SYT14: variants seen among roughly 807,000 people sequenced by gnomAD.
The protein encoded by SYT14 is synaptotagmin-14.
In SYT14, 32 loss-of-function variants were observed where a neutral mutation model predicts 74.2. That is an observed-to-expected ratio of 0.43 (90% confidence interval 0.33 to 0.58). The LOEUF is 0.58. Among genes scored for constraint, SYT14 ranks in the 20% least tolerant of loss-of-function variants. The pLI is 0.05. For synonymous variants in SYT14, 298 were observed against 337.7 expected, an observed-to-expected ratio of 0.88 and a Z score of 1.29; for missense variants, 791 against 981.8, an observed-to-expected ratio of 0.81 and a Z score of 2.60.
intron 2 of SYT14, among the ~76,000 whole-genome samples, chr1:209,957,711 ACCAC>A: frequency 6.6e-6 from 1 of 151,866 alleles, no homozygotes; most frequent in South Asian, 2.1e-4. Context: ...ACAGGCGTGA[ACCAC>A]CCTGCCCAGC....
At chr1:209,944,726 G>A (rs2078794319) in intron 1 of SYT14, among the ~76,000 whole-genome samples, 1 of 151,632 alleles carries the variant, frequency 6.6e-6, no homozygotes, top group African/African-American at 2.4e-5. Flanking sequence ...CTCCCAGAGG[G>A]TTGGAGGCCT....
chr1:210,144,619 G>A (rs1456785540), intron 7 of SYT14, among the ~76,000 whole-genome samples: 2 of 151,862 alleles, frequency 1.3e-5, no homozygotes, highest in African/African-American at 4.8e-5. Flanking sequence ...ACCACTGTTG[G>A]AAAACCAATA....
intron 5 of SYT14, among the ~76,000 whole-genome samples, chr1:210,076,892 T>C (rs1382415322): frequency 6.6e-6 from 1 of 152,094 alleles, no homozygotes; most frequent in African/African-American, 2.4e-5. Context: ...TCTCCAACAA[T>C]GGGGATTACA....
intron 3 of SYT14, among the ~76,000 whole-genome samples, chr1:210,015,378 T>A (rs2080162249): frequency 6.6e-6 from 1 of 152,164 alleles, no homozygotes; most frequent in African/African-American, 2.4e-5. Flanking sequence ...CTGAGCCTTG[T>A]TTTTCTTTCA....
intron 5 of SYT14, among the ~76,000 whole-genome samples, chr1:210,034,317 G>T (rs557042956): frequency 8.6e-5 from 13 of 151,792 alleles, no homozygotes; most frequent in African/African-American, 2.9e-4. Context: ...CATAATATGA[G>T]AAAATGTTCT....
exon 10 of SYT14, chr1:210,169,221 GTTTTTTTTTTTTTTTTTTT>G (rs35974726): frequency 8.0e-5 from 4 of 50,248 alleles, no homozygotes; most frequent in Non-Finnish European, 1.1e-4. Flanking sequence ...TGTTTTTGGT[GTTTTTTTTTTTTTTTTTTT>G]TTTTTTTTTT....
At chr1:210,066,435 G>A (rs1286152464) in intron 5 of SYT14, among the ~76,000 whole-genome samples, 1 of 152,206 alleles carries the variant, frequency 6.6e-6, no homozygotes, top group Non-Finnish European at 1.5e-5. Context: ...GGTGTGAGAT[G>A]CTATCTCATT....
intron 5 of SYT14, among the ~76,000 whole-genome samples, chr1:210,022,665 G>A (rs12565072): frequency 0.05 from 7,636 of 152,190 alleles, 1,049 homozygotes; most frequent in East Asian, 0.42. Flanking sequence ...TGAACTGGCA[G>A]GGTTGCCATG....
At chr1:210,111,064 G>A (rs925080797) in intron 7 of SYT14, among the ~76,000 whole-genome samples, 1 of 152,136 alleles carries the variant, frequency 6.6e-6, no homozygotes, top group African/African-American at 2.4e-5. Flanking sequence ...ACTTATCTAT[G>A]TAAACCCAAA....
chr1:210,057,522 T>C (rs1356170837), intron 5 of SYT14, among the ~76,000 whole-genome samples: 1 of 152,232 alleles, frequency 6.6e-6, no homozygotes, highest in African/African-American at 2.4e-5. Context: ...TTGTTTCACT[T>C]CACTTTGGTA....
intron 2 of SYT14, among the ~76,000 whole-genome samples, chr1:210,010,692 G>A (rs1464134826): frequency 6.6e-6 from 1 of 152,090 alleles, no homozygotes; most frequent in East Asian, 1.9e-4. Context: ...GCAAGAGAAA[G>A]ATGAAAGAGG....
chr1:210,049,648 T>G (rs992743906), intron 5 of SYT14, among the ~76,000 whole-genome samples: 3 of 152,276 alleles, frequency 2.0e-5, no homozygotes. Context: ...ATGTTCTCAT[T>G]GTTCAACTCC....
intron 6 of SYT14, among the ~76,000 whole-genome samples, 159 bp from the exon 6 acceptor site, chr1:210,099,853 G>A (rs1572296665): frequency 6.6e-6 from 1 of 152,056 alleles, no homozygotes; most frequent in African/African-American, 2.4e-5. Flanking sequence ...TCGCTCTATA[G>A]GGTAGCTTTT....
intron 7 of SYT14, among the ~76,000 whole-genome samples, chr1:210,115,528 C>T (rs1325517252): frequency 6.6e-6 from 1 of 151,154 alleles, no homozygotes; most frequent in Non-Finnish European, 1.5e-5. Context: ...GTTACCAGCA[C>T]CGGAGTTTTG....
At chr1:210,121,388 AG>A (rs1343047086) in intron 7 of SYT14, among the ~76,000 whole-genome samples, 22 of 152,196 alleles carry the variant, frequency 1.4e-4, no homozygotes, top group Admixed American at 1.4e-3. Context: ...AAGCTGGAAA[AG>A]AAGAAGGTAA....
chr1:210,000,884 A>G (rs1000034855), intron 2 of SYT14, among the ~76,000 whole-genome samples: 1 of 152,122 alleles, frequency 6.6e-6, no homozygotes, highest in Admixed American at 6.6e-5. Flanking sequence ...AAGTGCTGGG[A>G]TGCCTTCTTT....
exon 10 of SYT14, chr1:210,165,854 A>G (rs1024540114): frequency 2.6e-5 from 4 of 152,196 alleles, no homozygotes; most frequent in African/African-American, 9.6e-5. Context: ...AGTTTTTATG[A>G]ATCTTGTGTT....
intron 5 of SYT14, among the ~76,000 whole-genome samples, chr1:210,051,602 T>G (rs2080997887): frequency 6.6e-6 from 1 of 152,224 alleles, no homozygotes; most frequent in African/African-American, 2.4e-5. Context: ...ATTATGTGTG[T>G]CTTGTTATTT....
At chr1:210,155,730 T>A in exon 8 of SYT14, 1 of 1,614,060 alleles carries the variant, frequency 6.2e-7, no homozygotes, top group South Asian at 1.1e-5. Flanking sequence ...GGGCTGTGAC[T>A]CCCAAATGAG....
Sources: allele counts gnomAD v4.1 joint callset (sites outside exome capture counted in the v4.1 genomes callset), GRCh38; gene constraint gnomAD v4.1.1; transcripts MANE v1.5; gene names NCBI Gene and HGNC (gene_info 2026-07-23, HGNC 2026-07-21).